DOP1A: variants seen among roughly 807,000 people sequenced by gnomAD.
The protein encoded by DOP1A is protein DOP1A.
DOP1A carries 90 observed loss-of-function variants against 267.6 expected under a neutral mutation model. That is an observed-to-expected ratio of 0.34 (90% CI 0.28 to 0.40). The LOEUF (loss-of-function observed/expected upper bound fraction) is 0.40. Among genes scored for constraint, DOP1A ranks in the 10% least tolerant of loss-of-function variants. DOP1A has a pLI of 1.00. For missense variants in DOP1A, 2,437 were observed against 2,900.4 expected (o/e 0.84, Z 3.67); for synonymous variants, 932 against 999.1 (o/e 0.93, Z 1.27).
intron 38 of DOP1A, 25 bp from the exon 39 acceptor site, chr6:83,167,837 C>G (rs756579208): frequency 1.4e-5 from 23 of 1,586,516 alleles, no homozygotes; most frequent in Non-Finnish European, 1.9e-5. Flanking sequence ...TGTATTAATA[C>G]CAGTTCACTT....
At chr6:83,088,934 T>G (rs1769819125) in intron 1 of DOP1A, among the ~76,000 whole-genome samples, 2 of 152,220 alleles carry the variant, frequency 1.3e-5, no homozygotes, top group African/African-American at 4.8e-5. Context: ...TTAGAAAAGT[T>G]TGGAAAGAGC....
intron 37 of DOP1A, 71 bp from the exon 38 acceptor site, chr6:83,162,719 C>A: frequency 6.7e-7 from 1 of 1,498,862 alleles, no homozygotes; most frequent in South Asian, 1.4e-5. Context: ...CTTTCTACTA[C>A]ATTATGTGGC....
At chr6:83,085,029 T>C (rs985324958) in intron 1 of DOP1A, among the ~76,000 whole-genome samples, 27 of 152,252 alleles carry the variant, frequency 1.8e-4, no homozygotes, top group African/African-American at 6.5e-4. Flanking sequence ...TAAATGTTCT[T>C]AGGCAATCTG....
At chr6:83,085,861 C>T (rs567475248) in intron 1 of DOP1A, among the ~76,000 whole-genome samples, 5 of 151,204 alleles carry the variant, frequency 3.3e-5, no homozygotes, top group African/African-American at 9.7e-5. Context: ...CTCGCTCTAT[C>T]GCCATTGACA....
intron 6 of DOP1A, among the ~76,000 whole-genome samples, chr6:83,112,592 G>A (rs1253038086): frequency 6.6e-6 from 1 of 152,116 alleles, no homozygotes; most frequent in Non-Finnish European, 1.5e-5. Flanking sequence ...AGCCACCTGA[G>A]TGGCTGGGAT....
rs73752515 is a variant in DOP1A, at chr6:83,084,015, C to T, written c.-146-12716C>T. Among the ~76,000 whole-genome samples the T allele has an allele frequency of 4.4e-3, 673 of 152,218 alleles. 4 individuals carry two copies. Among genetic ancestry groups the T allele is most frequent in the African/African-American group, 0.015 (628 of 41,558 alleles). The stretch of plus-strand genomic sequence containing the variant: ...ATATTTACTTGGTAAAAAAAGAAAT[C>T]GTAAAGTTAAATCAGCTTCACTGTC... On this transcript the variant is annotated intron_variant, in intron 1 of 38. Transcript: ENST00000349129.
downstream of DOP1A, chr6:83,169,329 A>T: frequency 6.2e-7 from 1 of 1,613,516 alleles, no homozygotes; most frequent in Non-Finnish European, 8.5e-7. Flanking sequence ...CTTTCCTGCA[A>T]ATTACATTAA....
At chr6:83,088,637 G>A (rs1251117748) in intron 1 of DOP1A, among the ~76,000 whole-genome samples, 1 of 151,904 alleles carries the variant, frequency 6.6e-6, no homozygotes, top group Non-Finnish European at 1.5e-5. Flanking sequence ...GGCCAGGATG[G>A]CCTTGATCTC....
chr6:83,166,918 T>C (rs1785843788), intron 38 of DOP1A: 4 of 988,398 alleles, frequency 4.0e-6, no homozygotes, highest in Non-Finnish European at 4.8e-6. Flanking sequence ...CTTCCTTCTG[T>C]CTAGTTCATT....
At chr6:83,126,531 T>C (rs1777187484) in intron 15 of DOP1A, among the ~76,000 whole-genome samples, 1 of 152,116 alleles carries the variant, frequency 6.6e-6, no homozygotes, top group Non-Finnish European at 1.5e-5. Flanking sequence ...GGAAGAAAGA[T>C]ATTATACAAG....
intron 1 of DOP1A, among the ~76,000 whole-genome samples, chr6:83,080,158 A>G (rs1417555243): frequency 6.6e-6 from 1 of 152,108 alleles, no homozygotes; most frequent in Non-Finnish European, 1.5e-5. Flanking sequence ...CCCCTACCCA[A>G]TCAATGTATA....
At chr6:83,115,723 C>CA (rs1181040777) in intron 7 of DOP1A, among the ~76,000 whole-genome samples, 6 of 151,180 alleles carry the variant, frequency 4.0e-5, no homozygotes, top group East Asian at 1.9e-4. Flanking sequence ...GACTCTGTCT[C>CA]AAAAAAAAGA....
At chr6:83,092,522 C>G (rs1203282356) in intron 1 of DOP1A, among the ~76,000 whole-genome samples, 1 of 150,102 alleles carries the variant, frequency 6.7e-6, no homozygotes, top group African/African-American at 2.5e-5. Flanking sequence ...ATTTGCTGCT[C>G]TGAGTCCAAA....
rs1334581661 is a variant in DOP1A, at chr6:83,129,178, A to G, written c.2011A>G (p.Lys671Glu). The G allele has an allele frequency of 5.6e-6, 9 of 1,613,012 alleles. 1 individual carries two copies. Among genetic ancestry groups the G allele is most frequent in the Non-Finnish European group, 7.6e-6 (9 of 1,179,540 alleles). ...TATRSRKTAQ[K>E]TAMQCCLEYV... The stretch of plus-strand genomic sequence containing the variant: ...AACCCGAAGTAGGAAGACAGCCCAA[A>G]AGACTGCAATGCAGTGCTGCTTGGA... The change falls in exon 16 of 39, where the codon AAG becomes GAG. Residue 671 changes from lysine to glutamate, a missense_variant. Physicochemically the swap from Lys to Glu is moderately conservative, Grantham distance 56 (BLOSUM62 1). This residue lies in a region of DOP1A where 498 missense variants were observed against 513.5 expected (regional missense o/e 0.97). Coordinates refer to ENST00000349129, the MANE Select transcript of DOP1A (RefSeq NM_015018.4).
At position 83,148,816 on chromosome 6, in the gene DOP1A, C is replaced by A; in HGVS notation, c.5790C>A (p.Asp1930Glu). The part of the protein sequence containing the change: ...SWASLLILLK[D>E]SIQLSLPAPG... ...CGTCACTGTTGATACTTCTGAAAGA[C>A]TCTATACAACTGAGTCTTCCAGCTC... Residue 1930 changes from aspartate to glutamate, a missense_variant, in exon 27 of 39, where the codon GAC becomes GAA. Asp to Glu is a conservative substitution (Grantham distance 45). Transcript: ENST00000349129. 1 of 1,554,946 alleles carries A rather than the reference C, an allele frequency of 6.4e-7. No homozygotes were observed. Among genetic ancestry groups the A allele is most frequent in the Non-Finnish European group, 8.6e-7 (1 of 1,160,410 alleles).
chr6:83,077,925 G>T (rs185753230), intron 1 of DOP1A, among the ~76,000 whole-genome samples: 1 of 152,152 alleles, frequency 6.6e-6, no homozygotes, highest in Non-Finnish European at 1.5e-5. Flanking sequence ...AATTTCTTGG[G>T]CCACATTCAA....
rs747969812 is a variant in DOP1A at position 83,137,792 on chromosome 6, C to T, written c.3750C>T (p.Asp1250=). Residue 1250 remains aspartate (D), a synonymous_variant, in exon 21 of 39, where the codon GAC becomes GAT. Coordinates refer to ENST00000349129, the MANE Select transcript of DOP1A (RefSeq NM_015018.4). ...CISGTTHTLH[D]SSVASIETKS... ...CAGGAACCACACACACTCTTCATGA[C>T]TCTTCTGTTGCTTCCATAGAAACCA... 1.2e-6 allele frequency: 2 copies of T among 1,613,860 alleles called. No individual in the cohort carries two copies. Among genetic ancestry groups the T allele is most frequent in the Non-Finnish European group, 8.5e-7 (1 of 1,179,872 alleles).
At chr6:83,120,999 T>C (rs1256195764) in intron 10 of DOP1A, among the ~76,000 whole-genome samples, 2 of 151,922 alleles carry the variant, frequency 1.3e-5, no homozygotes, top group African/African-American at 4.8e-5. Context: ...GTGGTATGTA[T>C]GTAGCAGAAG....
chr6:83,164,899 T>C, intron 38 of DOP1A: 1 of 578,818 alleles, frequency 1.7e-6, no homozygotes, highest in Non-Finnish European at 3.1e-6. Flanking sequence ...TGACTTTATT[T>C]AATATTGAGA....
Sources: allele counts gnomAD v4.1 joint callset (sites outside exome capture counted in the v4.1 genomes callset), GRCh38; gene constraint gnomAD v4.1.1; regional missense constraint gnomAD v4.1.1; transcripts MANE v1.5; gene names NCBI Gene and HGNC (gene_info 2026-07-23, HGNC 2026-07-21).